ZHX2: variants seen among roughly 807,000 people sequenced by gnomAD.
The protein encoded by ZHX2 is zinc fingers and homeoboxes protein 2.
Under a neutral mutation model 21.9 loss-of-function variants are expected in ZHX2, and 6 were observed. The observed-to-expected ratio is 0.27, with a 90% CI of 0.15 to 0.54. The LOEUF is 0.54. Ranked by LOEUF, ZHX2 falls within the 20% of genes least tolerant of loss-of-function variation. The pLI is 0.95. For synonymous variants in ZHX2, 434 were observed against 437.1 expected (o/e 0.99, Z 0.09); for missense variants, 908 against 1,090.7 (o/e 0.83, Z 2.36).
At chr8:122,791,512 C>T (rs1350079999) in intron 1 of ZHX2, among the ~76,000 whole-genome samples, 1 of 152,156 alleles carries the variant, frequency 6.6e-6, no homozygotes, top group Admixed American at 6.5e-5. Context: ...ATTTAGACAA[C>T]CTTTAAGTCC....
intron 1 of ZHX2, among the ~76,000 whole-genome samples, chr8:122,787,832 C>T (rs13249092): frequency 0.045 from 6,859 of 152,304 alleles, 192 homozygotes; most frequent in South Asian, 0.069. Flanking sequence ...GGCTCAAAAA[C>T]ATCTGCAGAA....
At chr8:122,947,092 CA>C (rs57090731) in intron 2 of ZHX2, among the ~76,000 whole-genome samples, 2,889 of 67,228 alleles carry the variant, frequency 0.043, 31 homozygotes, top group African/African-American at 0.095. Flanking sequence ...CCTGTCTTTG[CA>C]AAAAAAAAAA....
In ZHX2 at chr8:122,858,644, T is replaced by C. The variant is rs1470799982; in HGVS notation, c.-282-4833T>C. ...CCTTTTTTTTTCTTTCTTTCTTTTT[T>C]TTTTTTTTTTTTTTGAGACAGAATC... is the stretch of plus-strand genomic sequence containing the variant. On this transcript the variant is annotated intron_variant, in intron 1 of 3. Transcript: ENST00000314393. 6.1e-4 allele frequency among the ~76,000 whole-genome samples: 89 copies of C among 145,948 alleles called. 1 individual carries two copies. The highest frequency in any genetic ancestry group is 2.2e-3 in the African/African-American group (89 of 39,648).
chr8:122,933,276 T>A (rs1314037940), intron 2 of ZHX2, among the ~76,000 whole-genome samples: 1 of 152,226 alleles, frequency 6.6e-6, no homozygotes, highest in Non-Finnish European at 1.5e-5. Flanking sequence ...GTCGATATTA[T>A]AAATCCCTGT....
At chr8:122,880,551 G>A (rs1378213633) in intron 2 of ZHX2, among the ~76,000 whole-genome samples, 1 of 152,046 alleles carries the variant, frequency 6.6e-6, no homozygotes, top group African/African-American at 2.4e-5. Context: ...AAGACAGGTA[G>A]ATCACCTGAG....
chr8:122,809,949 G>A (rs11776565), intron 1 of ZHX2, among the ~76,000 whole-genome samples: 1 of 152,098 alleles, frequency 6.6e-6, no homozygotes, highest in South Asian at 2.1e-4. Flanking sequence ...ATTGGGTAGG[G>A]GGGGTGGAGG....
At chr8:122,837,584 T>C (rs1447008165) in intron 1 of ZHX2, among the ~76,000 whole-genome samples, 1 of 152,222 alleles carries the variant, frequency 6.6e-6, no homozygotes. Flanking sequence ...GCTAAATTAA[T>C]AGTGCTAATA....
At chr8:122,899,752 T>C (rs1820183120) in intron 2 of ZHX2, among the ~76,000 whole-genome samples, 1 of 152,206 alleles carries the variant, frequency 6.6e-6, no homozygotes, top group Non-Finnish European at 1.5e-5. Context: ...GTATTTCAAG[T>C]AGGAAACAAC....
chr8:122,870,244 C>T (rs755085085), intron 2 of ZHX2, among the ~76,000 whole-genome samples: 19 of 152,176 alleles, frequency 1.2e-4, no homozygotes, highest in South Asian at 2.1e-4. Context: ...TCTCAGGTGC[C>T]GTGCTCAGGA....
intron 2 of ZHX2, among the ~76,000 whole-genome samples, chr8:122,897,330 G>A (rs1820122065): frequency 1.3e-5 from 2 of 152,164 alleles, no homozygotes; most frequent in South Asian, 4.1e-4. Flanking sequence ...GATCTTTGGG[G>A]GATAACAGTA....
intron 1 of ZHX2, among the ~76,000 whole-genome samples, chr8:122,834,232 T>G (rs538403685): frequency 1.3e-5 from 2 of 152,182 alleles, no homozygotes; most frequent in Admixed American, 6.5e-5. Flanking sequence ...TGATGGTAGT[T>G]GCCAGGGCGT....
Position 122,886,274 on chromosome 8 carries a change from C to T in ZHX2, c.-220+22735C>T, listed in dbSNP as rs564218178. ...ATTCTAACTATATAACATTCTGGCA[C>T]AGGCAAAAATATGCAGACAGTAAAA... On this transcript the variant is annotated intron_variant, in intron 2 of 3. Transcript: ENST00000314393. 4.6e-5 allele frequency among the ~76,000 whole-genome samples: 7 copies of T among 152,308 alleles called. No homozygotes were observed. In the South Asian group the frequency reaches 1.5e-3, roughly 32 times the overall value.
At chr8:122,904,999 T>C (rs1035416738) in intron 2 of ZHX2, among the ~76,000 whole-genome samples, 1 of 152,120 alleles carries the variant, frequency 6.6e-6, no homozygotes, top group South Asian at 2.1e-4. Context: ...TAACTGAAAT[T>C]AAAAACTCAC....
intron 1 of ZHX2, among the ~76,000 whole-genome samples, chr8:122,857,871 G>T (rs1819063518): frequency 6.6e-6 from 1 of 152,244 alleles, no homozygotes; most frequent in Non-Finnish European, 1.5e-5. Context: ...CCACCCCAGG[G>T]CCTCCTGGAA....
At chr8:122,836,113 C>T (rs986378171) in intron 1 of ZHX2, among the ~76,000 whole-genome samples, 10 of 152,284 alleles carry the variant, frequency 6.6e-5, no homozygotes, top group African/African-American at 2.4e-4. Context: ...GAGCAATTGT[C>T]ACTGCTGCCA....
intron 1 of ZHX2, among the ~76,000 whole-genome samples, chr8:122,832,117 G>A (rs939382712): frequency 6.6e-6 from 1 of 152,224 alleles, no homozygotes; most frequent in African/African-American, 2.4e-5. Flanking sequence ...ACAGAAATGT[G>A]TAGGGTCTTG....
At chr8:122,945,789 C>T (rs1812961409) in intron 2 of ZHX2, among the ~76,000 whole-genome samples, 1 of 152,180 alleles carries the variant, frequency 6.6e-6, no homozygotes, top group African/African-American at 2.4e-5. Flanking sequence ...TTCAGGCAAC[C>T]TCCTGAGGGC....
At chr8:122,900,268 G>T (rs1054816669) in intron 2 of ZHX2, among the ~76,000 whole-genome samples, 6 of 152,160 alleles carry the variant, frequency 3.9e-5, no homozygotes, top group African/African-American at 1.4e-4. Flanking sequence ...TGGACCTCAG[G>T]CTACTTACAC....
chr8:122,867,251 C>T (rs1819322824), intron 2 of ZHX2, among the ~76,000 whole-genome samples: 1 of 152,206 alleles, frequency 6.6e-6, no homozygotes, highest in Non-Finnish European at 1.5e-5. Context: ...ATCTGGACCA[C>T]TTTAGGAGCA....
Sources: allele counts gnomAD v4.1 joint callset (sites outside exome capture counted in the v4.1 genomes callset), GRCh38; gene constraint gnomAD v4.1.1; transcripts MANE v1.5; gene names NCBI Gene and HGNC (gene_info 2026-07-23, HGNC 2026-07-21).